ARHGEF37: variants seen among roughly 807,000 people sequenced by gnomAD.
The protein encoded by ARHGEF37 is Rho guanine nucleotide exchange factor (GEF) 37.
Under a neutral mutation model 71.1 loss-of-function variants are expected in ARHGEF37, and 55 were observed. The observed-to-expected ratio is 0.77, with a 90% CI of 0.62 to 0.97. The LOEUF (loss-of-function observed/expected upper bound fraction) is 0.97, where lower values mean the gene tolerates loss of function less well. Ranked by LOEUF, ARHGEF37 falls within the 50% of genes least tolerant of loss-of-function variation. The probability of loss-of-function intolerance (pLI) is 0.00; values close to 1 mark genes in which losing one functional copy is unlikely to be tolerated. For missense variants in ARHGEF37, 765 were observed against 836.8 expected (o/e 0.91, Z 1.06); for synonymous variants, 327 against 350.6 (o/e 0.93, Z 0.75).
chr5:149,553,260 A>C (rs1460654830), intron 1 of ARHGEF37, among the ~76,000 whole-genome samples: 1 of 152,022 alleles, frequency 6.6e-6, no homozygotes, highest in Non-Finnish European at 1.5e-5. Flanking sequence ...TTAGCTGGGC[A>C]TGGTAGCATG....
intron 1 of ARHGEF37, among the ~76,000 whole-genome samples, chr5:149,553,748 A>G (rs762880684): frequency 4.6e-5 from 7 of 152,192 alleles, no homozygotes; most frequent in Non-Finnish European, 7.4e-5. Context: ...TCTTTCATTT[A>G]TTTATCTGAT....
In ARHGEF37 at chr5:149,634,523, G is replaced by T. The variant is rs988288927; in HGVS notation, c.*2332G>T. On this transcript the variant is annotated 3_prime_UTR_variant, in exon 13 of 13. Coordinates refer to ENST00000333677, the MANE Select transcript of ARHGEF37 (RefSeq NM_001001669.3). ...AAAATAAAAATGTATTCAGTAGCAC[G>T]TGGGTTATGGTTTCTCATAGACCAG... is the stretch of plus-strand genomic sequence containing the variant. 1.3e-5 allele frequency: 2 copies of T among 152,638 alleles called. No homozygotes were observed. Among genetic ancestry groups the T allele is most frequent in the Non-Finnish European group, 2.9e-5 (2 of 68,042 alleles). The allele number at this position is 152,638 out of a possible 1,614,324, so 9.5% of individuals were successfully genotyped here.
At chr5:149,556,052 GAAA>G (rs1237657412) in intron 1 of ARHGEF37, among the ~76,000 whole-genome samples, 1 of 152,164 alleles carries the variant, frequency 6.6e-6, no homozygotes, top group Admixed American at 6.6e-5. Context: ...TGCTTTGAGT[GAAA>G]TGATAGAGAC....
intron 3 of ARHGEF37, among the ~76,000 whole-genome samples, chr5:149,604,618 C>G (rs1310003133): frequency 6.6e-6 from 1 of 151,502 alleles, no homozygotes; most frequent in Middle Eastern, 3.2e-3. Flanking sequence ...TATTCCCCTT[C>G]TAGCCCCTAG....
chr5:149,627,048 GTGTC>G, intron 10 of ARHGEF37, 24 bp from the exon 11 acceptor site: 8 of 1,587,730 alleles, frequency 5.0e-6, no homozygotes, highest in Non-Finnish European at 6.9e-6. Flanking sequence ...TCAAGCACTT[GTGTC>G]TGTCTGTGCT....
At chr5:149,613,729 G>A (rs1424202877) in intron 4 of ARHGEF37, among the ~76,000 whole-genome samples, 1 of 151,254 alleles carries the variant, frequency 6.6e-6, no homozygotes, top group East Asian at 2.0e-4. Flanking sequence ...TATCTTTTCA[G>A]GACAGCATGG....
intron 4 of ARHGEF37, among the ~76,000 whole-genome samples, chr5:149,611,237 A>G (rs1293351985): frequency 6.6e-6 from 1 of 152,200 alleles, no homozygotes; most frequent in Non-Finnish European, 1.5e-5. Context: ...AATAAACTGC[A>G]TTTCTTGGTA....
intron 1 of ARHGEF37, among the ~76,000 whole-genome samples, chr5:149,554,736 A>G (rs1158543731): frequency 6.6e-6 from 1 of 152,020 alleles, no homozygotes; most frequent in East Asian, 1.9e-4. Flanking sequence ...ATTTGCAGTA[A>G]TTTTAGCCTA....
At chr5:149,579,079 G>C (rs1763058669), upstream of ARHGEF37, among the ~76,000 whole-genome samples, 2 of 152,202 alleles carry the variant, frequency 1.3e-5, no homozygotes, top group South Asian at 4.1e-4. Context: ...CCCGGGGAGT[G>C]TTGACACTTA....
intron 3 of ARHGEF37, 58 bp downstream of exon 3, chr5:149,601,289 G>T (rs148003345): frequency 2.5e-6 from 4 of 1,569,762 alleles, no homozygotes; most frequent in Admixed American, 1.7e-5. Context: ...TGTTCTCAGC[G>T]AGTGGTCACT....
chr5:149,620,245 G>T (rs921717044), intron 7 of ARHGEF37, 109 bp from the exon 8 acceptor site: 1 of 688,178 alleles, frequency 1.5e-6, no homozygotes, highest in Non-Finnish European at 2.5e-6. Flanking sequence ...TCTCATTGGG[G>T]GTGTGTAGAG....
At chr5:149,553,434 TA>T (rs58190588) in intron 1 of ARHGEF37, among the ~76,000 whole-genome samples, 166 of 143,352 alleles carry the variant, frequency 1.2e-3, no homozygotes, top group Middle Eastern at 3.6e-3. Context: ...ATTCTGGTCT[TA>T]AAAAAAAAAA....
At position 149,619,388 on chromosome 5, in the gene ARHGEF37, G is replaced by A. The variant is rs540551763; in HGVS notation, c.894+346G>A. ...GTAATGCTACTGAGTGAAGTGTGCA[G>A]GTAACAGGCAATCCAATGCAATAGG... On this transcript the variant is annotated intron_variant, in intron 7 of 12. Transcript: ENST00000333677. Among the ~76,000 whole-genome samples, 17 of 152,322 alleles carry A rather than the reference G, an allele frequency of 1.1e-4. No homozygotes were observed. The South Asian group carries it at 3.5e-3, about 32-fold the overall frequency.
At chr5:149,583,127 T>TG (rs1763149611) in intron 1 of ARHGEF37, among the ~76,000 whole-genome samples, 1 of 152,132 alleles carries the variant, frequency 6.6e-6, no homozygotes, top group Non-Finnish European at 1.5e-5. Flanking sequence ...CCCGTTTTTT[T>TG]GTTGTTGTTT....
intron 12 of ARHGEF37, 23 bp from the exon 13 acceptor site, chr5:149,631,959 G>C (rs1752894979): frequency 6.2e-7 from 1 of 1,611,366 alleles, no homozygotes; most frequent in African/African-American, 1.3e-5. Context: ...GACCATTTCT[G>C]TGTCACTCCC....
rs200497608 is a variant in ARHGEF37 at position 149,606,011 on chromosome 5, T to C, written c.311-3537T>C. Among the ~76,000 whole-genome samples, 13 of 152,280 alleles carry C rather than the reference T, an allele frequency of 8.5e-5. No homozygotes were observed. In the East Asian group the frequency reaches 2.1e-3, roughly 25 times the overall value. ...GGGAGGAAACAAGCCTTTCCTTTGG[T>C]GTAATTGCCATTCTTGCCTCTTTGG... On this transcript the variant is annotated intron_variant, in intron 3 of 12. Transcript: ENST00000333677.
intron 2 of ARHGEF37, 93 bp downstream of exon 2, chr5:149,598,048 G>C: frequency 7.0e-7 from 1 of 1,429,354 alleles, no homozygotes; most frequent in South Asian, 1.4e-5. Flanking sequence ...GGGCAAGCTT[G>C]ACAGAAAGGA....
At chr5:149,565,829 A>ATT (rs201683478) in intron 1 of ARHGEF37, among the ~76,000 whole-genome samples, 946 of 84,184 alleles carry the variant, frequency 0.011, 104 homozygotes, top group Non-Finnish European at 0.018. Flanking sequence ...AGAAACTCTA[A>ATT]TTTTTTTTTT....
chr5:149,555,000 A>G (rs1271813132), intron 1 of ARHGEF37, among the ~76,000 whole-genome samples: 3 of 151,920 alleles, frequency 2.0e-5, no homozygotes, highest in African/African-American at 7.3e-5. Flanking sequence ...GCGTGGTGGC[A>G]GGCGCCTGTA....
Sources: allele counts gnomAD v4.1 joint callset (sites outside exome capture counted in the v4.1 genomes callset), GRCh38; gene constraint gnomAD v4.1.1; transcripts MANE v1.5; gene names NCBI Gene and HGNC (gene_info 2026-07-23, HGNC 2026-07-21).